SHROOM2: variants seen among roughly 807,000 people sequenced by gnomAD.
The protein encoded by SHROOM2 is protein Shroom2.
In SHROOM2, 33 loss-of-function variants were observed where a neutral mutation model predicts 75.9. The ratio of observed to expected loss-of-function variants is 0.43; its 90% CI spans 0.33 to 0.58. The LOEUF is 0.58. SHROOM2 is among the 20% of genes least tolerant of loss of function. The probability of loss-of-function intolerance (pLI) is 0.04; values close to 1 mark genes in which losing one functional copy is unlikely to be tolerated. For synonymous variants in SHROOM2, 655 were observed against 663.6 expected (o/e 0.99, Z 0.20); for missense variants, 1,434 against 1,461.2 (o/e 0.98, Z 0.30).
intron 6 of SHROOM2, among the ~76,000 whole-genome samples, chrX:9,935,569 G>A (rs1366286141): frequency 9.0e-6 from 1 of 110,807 alleles, no homozygotes; most frequent in Non-Finnish European, 1.9e-5. Flanking sequence ...CAGTTGTGAG[G>A]TGTCTGTGAG....
At chrX:9,834,086 C>T (rs1166537364) in intron 1 of SHROOM2, among the ~76,000 whole-genome samples, 2 of 112,628 alleles carry the variant, frequency 1.8e-5, no homozygotes, top group African/African-American at 6.5e-5. Flanking sequence ...GGGGATGCCA[C>T]TGGCCTTTGT....
intron 1 of SHROOM2, among the ~76,000 whole-genome samples, chrX:9,812,618 C>G (rs2083797739): frequency 1.8e-5 from 2 of 112,154 alleles, no homozygotes; most frequent in African/African-American, 6.5e-5. Flanking sequence ...AATGTCTCAC[C>G]AATAAGTCCA....
rs781137149 is a variant in SHROOM2 at position 9,944,981 on chromosome X, G to C, written c.4584+68G>C. 6 of 1,078,211 alleles carry C rather than the reference G, an allele frequency of 5.6e-6. No individual in the cohort carries two copies. The South Asian group carries it at 1.1e-4, about 19-fold the overall frequency. The allele number at this position is 1,078,211 out of a possible 1,213,427, so 88.9% of individuals were successfully genotyped here. A position where few individuals can be genotyped will look rare whatever the true frequency, so the allele number is the denominator to read the frequency against. On this transcript the variant is annotated intron_variant, in intron 9 of 9. Coordinates refer to ENST00000380913, the MANE Select transcript of SHROOM2 (RefSeq NM_001649.4). ...GTGGGAAGGCTGTTTTTCAAGTGTC[G>C]TGAAAGTCAGCTCCTTGGAGCCTAG...
intron 1 of SHROOM2, among the ~76,000 whole-genome samples, chrX:9,843,692 C>T (rs746319154): frequency 2.7e-5 from 3 of 112,610 alleles, no homozygotes; most frequent in East Asian, 5.6e-4. Context: ...TGAGCCACTG[C>T]GCCCGGCCCA....
chrX:9,946,692 A>G lies in SHROOM2; in HGVS notation c.4606A>G (p.Arg1536Gly). Residue 1536 changes from arginine to glycine, a missense_variant, in exon 10 of 10, where the codon AGA (arginine) becomes GGA (glycine). Arg to Gly is a moderately radical substitution (Grantham distance 125). Coordinates refer to ENST00000380913, the MANE Select transcript of SHROOM2 (RefSeq NM_001649.4). ...GDRQSLLEKQ[R>G]VLIQQHEDAK... ...ACAGCAATCACTGCTTGAGAAGCAGAGAGTCCTGATCCAGCAGCACGAGGA... is the reference window on the plus strand; with the variant it reads ...ACAGCAATCACTGCTTGAGAAGCAGGGAGTCCTGATCCAGCAGCACGAGGA... 1 of 1,207,497 alleles carries G rather than the reference A, an allele frequency of 8.3e-7. No homozygotes were observed. The highest frequency in any genetic ancestry group is 1.1e-6 in the Non-Finnish European group (1 of 893,085).
At chrX:9,912,107 AACACACACACACACACACAC>A (rs61080253) in intron 5 of SHROOM2, among the ~76,000 whole-genome samples, 289 of 26,458 alleles carry the variant, frequency 0.011, 6 homozygotes, top group African/African-American at 0.03. Context: ...CCTTTCTCCA[AACACACACACACACACACAC>A]ACACACACAC....
intron 1 of SHROOM2, among the ~76,000 whole-genome samples, chrX:9,811,238 C>G (rs2083789937): frequency 8.9e-6 from 1 of 111,740 alleles, no homozygotes; most frequent in Admixed American, 9.5e-5. Context: ...ATTGGGTACC[C>G]AGCAGTGGCC....
intron 1 of SHROOM2, among the ~76,000 whole-genome samples, chrX:9,813,206 C>T (rs2083801360): frequency 8.9e-6 from 1 of 111,804 alleles, no homozygotes; most frequent in African/African-American, 3.3e-5. Flanking sequence ...AGCCCTCGCC[C>T]TACCAGTCAG....
At position 9,899,134 on chromosome X, in the gene SHROOM2, C is replaced by G. The variant is rs185646237; in HGVS notation, c.2891+844C>G. Among the ~76,000 whole-genome samples, 10 of 109,888 alleles carry G rather than the reference C, an allele frequency of 9.1e-5. No homozygotes were observed. The East Asian group carries it at 2.8e-3, about 31-fold the overall frequency. ...GTGTGGTGGCAGATGCCTGTAGTCC[C>G]AGCTACCCTGGAGGCTGAGCTACTC... On this transcript the variant is annotated intron_variant, in intron 5 of 9. Coordinates refer to ENST00000380913, the MANE Select transcript of SHROOM2 (RefSeq NM_001649.4).
chrX:9,869,365 G>A (rs1459622511), intron 1 of SHROOM2, among the ~76,000 whole-genome samples: 1 of 112,551 alleles, frequency 8.9e-6, no homozygotes, highest in South Asian at 3.6e-4. Context: ...GTTCAGTGAT[G>A]TGTTAAGTAC....
At chrX:9,819,828 C>G (rs745497779) in intron 1 of SHROOM2, among the ~76,000 whole-genome samples, 36 of 101,319 alleles carry the variant, frequency 3.6e-4, no homozygotes, top group African/African-American at 1.3e-3. Flanking sequence ...GAGTCTCGCT[C>G]TGTTGCCCAG....
intron 5 of SHROOM2, among the ~76,000 whole-genome samples, chrX:9,919,806 C>T (rs2084526315): frequency 9.0e-6 from 1 of 111,515 alleles, no homozygotes; most frequent in Non-Finnish European, 1.9e-5. Flanking sequence ...TCAGACAGTA[C>T]ATCTTAACTC....
At position 9,895,536 on chromosome X, in the gene SHROOM2, A is replaced by T; in HGVS notation, c.1628A>T (p.Glu543Val). The change falls in exon 4 of 10, where the codon GAG becomes GTG. Residue 543 changes from glutamate (E) to valine (V), a missense_variant. Glu to Val is a moderately radical substitution (Grantham distance 121). Around this residue, in one of 3 missense-constraint regions of SHROOM2, gnomAD observed 1,340 missense variants for 1,338.3 expected, o/e 1.00. Coordinates refer to ENST00000380913, the MANE Select transcript of SHROOM2 (RefSeq NM_001649.4). ...TGTTACCCGCTGGACAAAGGGGCCG[A>T]GGGCTGCTCCGCGGGAGCCCAGGAG... is the stretch of plus-strand genomic sequence containing the variant. ...GRCYPLDKGA[E>V]GCSAGAQEPP... 2 of 1,190,480 alleles carry T rather than the reference A, an allele frequency of 1.7e-6. No individual in the cohort carries two copies. The highest frequency in any genetic ancestry group is 3.5e-5 in the African/African-American group (2 of 57,217).
intron 1 of SHROOM2, among the ~76,000 whole-genome samples, chrX:9,823,540 C>A (rs1224352211): frequency 1.8e-5 from 2 of 110,628 alleles, no homozygotes; most frequent in East Asian, 5.7e-4. Context: ...TGAATGGTCA[C>A]CATAAATAGA....
At chrX:9,804,445 AT>A (rs2083741231) in intron 1 of SHROOM2, among the ~76,000 whole-genome samples, 1 of 112,459 alleles carries the variant, frequency 8.9e-6, no homozygotes, top group African/African-American at 3.2e-5. Context: ...ATCTTAGTGA[AT>A]CACCCTTTCG....
At chrX:9,799,635 GTTC>G (rs1156500875) in intron 1 of SHROOM2, among the ~76,000 whole-genome samples, 1 of 109,772 alleles carries the variant, frequency 9.1e-6, no homozygotes, top group African/African-American at 3.3e-5. Context: ...GCTTACACTG[GTTC>G]TTTTCCTTTG....
At chrX:9,864,023 T>G (rs939952419) in intron 1 of SHROOM2, among the ~76,000 whole-genome samples, 4 of 111,399 alleles carry the variant, frequency 3.6e-5, no homozygotes, top group African/African-American at 1.3e-4. Flanking sequence ...TAGGATTTTT[T>G]GAAGTCTCAG....
At chrX:9,857,657 G>C (rs972399079) in intron 1 of SHROOM2, among the ~76,000 whole-genome samples, 39 of 111,375 alleles carry the variant, frequency 3.5e-4, no homozygotes, top group African/African-American at 1.2e-3. Context: ...CCAAAGTGCT[G>C]GGATTATAGG....
intron 2 of SHROOM2, among the ~76,000 whole-genome samples, chrX:9,881,569 T>C (rs900415723): frequency 2.6e-4 from 29 of 112,510 alleles, no homozygotes; most frequent in African/African-American, 8.7e-4. Flanking sequence ...TCTCTGAATG[T>C]GTATAGGATC....
Sources: gnomAD v4.1 joint callset for allele counts (sites outside exome capture counted in the v4.1 genomes callset) on GRCh38, gnomAD v4.1.1 for gene constraint, gnomAD v4.1.1 regional missense constraint, MANE v1.5 for transcripts, NCBI Gene and HGNC (gene_info 2026-07-23, HGNC 2026-07-21) for gene names.